MINAR1: variants seen among roughly 807,000 people sequenced by gnomAD.
The protein encoded by MINAR1 is major intrinsically disordered Notch2-binding receptor 1.
In MINAR1, 40 loss-of-function variants were observed where a neutral mutation model predicts 65.1. The observed-to-expected ratio is 0.61, with a 90% confidence interval of 0.48 to 0.80. The LOEUF (loss-of-function observed/expected upper bound fraction) is 0.80. Among genes scored for constraint, MINAR1 ranks in the 30% least tolerant of loss-of-function variants. The pLI is 0.00. For missense variants in MINAR1, 1,128 were observed against 1,148.0 expected (o/e 0.98, Z 0.25); for synonymous variants, 482 against 449.1 (o/e 1.07, Z -0.93).
the MINAR1 span, chr15:79,411,458 G>A: frequency 1.4e-6 from 1 of 702,520 alleles, no homozygotes; most frequent in Non-Finnish European, 2.6e-6. Flanking sequence ...ATGCAGCCAG[G>A]CGGAACACCT....
rs926122716 is a variant in MINAR1 at position 79,469,685 on chromosome 15, T to C, written c.*1301T>C. ...CATCCAAATTTGATCTGTTTCCACC[T>C]GCTGAATGGTGCTCTGACAATAATG... On this transcript the variant is annotated 3_prime_UTR_variant, in exon 4 of 4. Coordinates refer to ENST00000305428, the MANE Select transcript of MINAR1 (RefSeq NM_015206.3). 10 of 152,660 alleles carry C rather than the reference T, an allele frequency of 6.6e-5. No individual in the cohort carries two copies. The highest frequency in any genetic ancestry group is 1.4e-4 in the African/African-American group (6 of 41,458). The allele number at this position is 152,660 out of a possible 1,614,324, so 9.5% of individuals were successfully genotyped here.
At chr15:79,443,188 T>C (rs535332185) in intron 1 of MINAR1, among the ~76,000 whole-genome samples, 13 of 152,324 alleles carry the variant, frequency 8.5e-5, no homozygotes, top group African/African-American at 3.1e-4. Context: ...AGGCAGGCTT[T>C]GCTGTATCAA....
upstream of MINAR1, chr15:79,427,365 C>T (rs1044238495): frequency 1.3e-5 from 2 of 152,188 alleles, no homozygotes; most frequent in Admixed American, 1.3e-4. Context: ...ACCCTCATGA[C>T]ACGAGTTTAC....
At chr15:79,463,019 C>G in intron 2 of MINAR1, 48 bp from the exon 3 acceptor site, 2 of 1,571,928 alleles carry the variant, frequency 1.3e-6, no homozygotes, top group Non-Finnish European at 8.7e-7. Flanking sequence ...CTGTGAAATC[C>G]AAGGGCAACT....
At chr15:79,466,860 C>G (rs1488293561) in intron 3 of MINAR1, among the ~76,000 whole-genome samples, 1 of 152,210 alleles carries the variant, frequency 6.6e-6, no homozygotes, top group East Asian at 1.9e-4. Flanking sequence ...GGGGCTGTTT[C>G]TGAAACCCAC....
At position 79,454,251 on chromosome 15, in the gene MINAR1, G is replaced by T. The variant is rs115253140; in HGVS notation, c.-50-1847G>T. ...CCTTGCAAGAAAATGCAAACCACTG[G>T]TCTCTGCATATCCCTCCAGACATTC... On this transcript the variant is annotated intron_variant, in intron 1 of 3. Coordinates refer to ENST00000305428, the MANE Select transcript of MINAR1 (RefSeq NM_015206.3). Among the ~76,000 whole-genome samples the T allele has an allele frequency of 5.7e-3, 863 of 152,254 alleles. 8 individuals are homozygous for T. The highest frequency in any genetic ancestry group is 0.02 in the African/African-American group (830 of 41,540).
chr15:79,452,439 TGTGA>T (rs1036070504), intron 1 of MINAR1, among the ~76,000 whole-genome samples: 15 of 151,548 alleles, frequency 9.9e-5, no homozygotes, highest in South Asian at 2.1e-4. Flanking sequence ...GGTGAGTCTG[TGTGA>T]GTGTGTGTGG....
At position 79,456,059 on chromosome 15, in the gene MINAR1, C is replaced by A. The variant is rs78190855; in HGVS notation, c.-50-39C>A. 162 of 1,331,528 alleles carry A rather than the reference C, an allele frequency of 1.2e-4. No individual in the cohort carries two copies. In the East Asian group the frequency reaches 3.8e-3, roughly 31 times the overall value. 82.5% of individuals were successfully genotyped at this position (1,331,528 alleles called of 1,614,324 possible). Reference sequence around the variant, plus strand: ...TTCAAACTCCACTGGTGTTTATAATCCTCTTTTCCTCCTCTCTTTCTCAAT... The same window carrying A: ...TTCAAACTCCACTGGTGTTTATAATACTCTTTTCCTCCTCTCTTTCTCAAT... On this transcript the variant is annotated intron_variant, in intron 1 of 3. Coordinates refer to ENST00000305428, the MANE Select transcript of MINAR1 (RefSeq NM_015206.3).
Position 79,470,520 on chromosome 15 carries a change from G to A in MINAR1, c.*2136G>A, listed in dbSNP as rs1478628378. 6.7e-6 allele frequency: 1 copy of A among 148,930 alleles called. No individual in the cohort carries two copies. The highest frequency in any genetic ancestry group is 2.6e-5 in the African/African-American group (1 of 38,306). The allele number at this position is 148,930 out of a possible 1,614,324, so 9.2% of individuals were successfully genotyped here. A position where few individuals can be genotyped will look rare whatever the true frequency, so the allele number is the denominator to read the frequency against. ...CCATTTAACAGGTAGGACCATCGAG[G>A]CTGGACCAAACCACTTTTTCCACTG... On this transcript the variant is annotated 3_prime_UTR_variant, in exon 4 of 4. Transcript: ENST00000305428.
At chr15:79,429,624 A>G (rs140835007), upstream of MINAR1, among the ~76,000 whole-genome samples, 474 of 152,294 alleles carry the variant, frequency 3.1e-3, 5 homozygotes, top group African/African-American at 0.011. Context: ...GTCTCTTTCT[A>G]TTGCCCAGAC....
intron 3 of MINAR1, among the ~76,000 whole-genome samples, chr15:79,467,535 C>G (rs1429356256): frequency 1.3e-5 from 2 of 152,176 alleles, no homozygotes; most frequent in East Asian, 1.9e-4. Context: ...TGGGGGCTCT[C>G]TCTTTGGGGA....
chr15:79,413,073 G>C, the MINAR1 span: 3 of 151,944 alleles, frequency 2.0e-5, no homozygotes, highest in Non-Finnish European at 4.4e-5. Context: ...ACCATCCCAA[G>C]GACAGCAACT....
chr15:79,446,204 AATTT>A (rs1189618198), intron 1 of MINAR1, among the ~76,000 whole-genome samples: 2 of 152,066 alleles, frequency 1.3e-5, no homozygotes. Context: ...TTAAAATTTA[AATTT>A]ATTTAACATC....
Position 79,457,822 on chromosome 15 carries a change from T to A in MINAR1, c.1675T>A (p.Ser559Thr). The part of the protein sequence containing the change: ...SQLHKSDCDS[S>T]PEHNLTKIAN... Reference sequence around the variant, plus strand: ...GCTCCATAAGTCAGACTGCGACAGTTCCCCTGAGCACAACTTAACCAAAAT... The same window carrying A: ...GCTCCATAAGTCAGACTGCGACAGTACCCCTGAGCACAACTTAACCAAAAT... Residue 559 changes from serine (S) to threonine (T), a missense_variant, in exon 2 of 4, where the codon TCC becomes ACC. Physicochemically the swap from Ser to Thr is moderately conservative, Grantham distance 58 (BLOSUM62 1). Coordinates refer to ENST00000305428, the MANE Select transcript of MINAR1 (RefSeq NM_015206.3). The A allele has an allele frequency of 1.2e-6, 2 of 1,614,030 alleles. No homozygotes were observed. Among genetic ancestry groups the A allele is most frequent in the Non-Finnish European group, 1.7e-6 (2 of 1,180,014 alleles).
the MINAR1 span, chr15:79,411,456 A>T: frequency 1.4e-6 from 1 of 702,554 alleles, no homozygotes; most frequent in South Asian, 1.5e-5. Context: ...ATATGCAGCC[A>T]GGCGGAACAC....
chr15:79,421,055 A>T, the MINAR1 span: 1 of 152,228 alleles, frequency 6.6e-6, no homozygotes, highest in Admixed American at 6.5e-5. Flanking sequence ...TGTGGAATTA[A>T]ATCCTCCTCT....
intron 2 of MINAR1, among the ~76,000 whole-genome samples, chr15:79,460,523 G>T (rs945732251): frequency 6.6e-6 from 1 of 152,128 alleles, no homozygotes; most frequent in African/African-American, 2.4e-5. Flanking sequence ...GCCTTCTGTC[G>T]TGTCTTTTGC....
intron 1 of MINAR1, among the ~76,000 whole-genome samples, chr15:79,451,665 G>T (rs1057452187): frequency 5.3e-5 from 8 of 152,214 alleles, no homozygotes; most frequent in African/African-American, 9.6e-5. Flanking sequence ...TCCCTGCCGC[G>T]CTGGGCATGG....
At chr15:79,447,817 C>G (rs879849876) in intron 1 of MINAR1, among the ~76,000 whole-genome samples, 1 of 152,084 alleles carries the variant, frequency 6.6e-6, no homozygotes, top group African/African-American at 2.4e-5. Flanking sequence ...TTTATTTAAC[C>G]CAGAGCCCAG....
Sources: gnomAD v4.1 joint callset for allele counts (sites outside exome capture counted in the v4.1 genomes callset) on GRCh38, gnomAD v4.1.1 for gene constraint, MANE v1.5 for transcripts, NCBI Gene and HGNC (gene_info 2026-07-23, HGNC 2026-07-21) for gene names.